RRP1: variants seen among roughly 807,000 people sequenced by gnomAD.
RRP1 encodes the protein ribosomal RNA processing 1.
In RRP1, 37 loss-of-function variants were observed where a neutral mutation model predicts 54.6. The ratio of observed to expected loss-of-function variants is 0.68; its 90% CI spans 0.52 to 0.89. The LOEUF is 0.89. Among genes scored for constraint, RRP1 ranks in the 40% least tolerant of loss-of-function variants. The pLI is 0.00. For missense variants in RRP1, 639 were observed against 612.5 expected (o/e 1.04, Z -0.46); for synonymous variants, 262 against 244.3 (o/e 1.07, Z -0.67).
rs372422903 is a variant in RRP1, at chr21:43,797,685, C to G, written c.607C>G (p.Arg203Gly). 6.2e-7 allele frequency: 1 copy of G among 1,613,806 alleles called. No homozygotes were observed. Among genetic ancestry groups the G allele is most frequent in the Admixed American group, 1.7e-5 (1 of 60,012 alleles). The change falls in exon 7 of 13, where the codon CGG becomes GGG. Residue 203 changes from arginine to glycine, a missense_variant. By Grantham distance (125) the Arg-to-Gly change is moderately radical. Coordinates refer to ENST00000497547, the MANE Select transcript of RRP1 (RefSeq NM_003683.6). Reference protein sequence around the residue: ...FIDPFCRIAARTKDSLVLNNI... With the variant: ...FIDPFCRIAAGTKDSLVLNNI... The stretch of plus-strand genomic sequence containing the variant: ...CGACCCCTTCTGCAGAATTGCTGCC[C>G]GGACCAAGGAGTAAGTGGTGGGTGG...
Position 43,795,225 on chromosome 21 carries a change from C to G in RRP1, c.397C>G (p.Leu133Val), listed in dbSNP as rs1262925976. The G allele has an allele frequency of 1.9e-6, 3 of 1,614,064 alleles. No homozygotes were observed. The highest frequency in any genetic ancestry group is 2.5e-6 in the Non-Finnish European group (3 of 1,180,000). ...GGTCCTGAACGAGTCCTTGAAGGTT[C>G]TGAAGATGCAAGGCTGGGAAGAAAG... ...RMVLNESLKV[L>V]KMQGWEERQI... The change falls in exon 5 of 13, where the codon CTG becomes GTG. Residue 133 changes from leucine (L) to valine (V), a missense_variant. Physicochemically the swap from Leu to Val is conservative, Grantham distance 32. Coordinates refer to ENST00000497547, the MANE Select transcript of RRP1 (RefSeq NM_003683.6).
intron 5 of RRP1, among the ~76,000 whole-genome samples, chr21:43,795,757 G>C (rs907651476): frequency 2.2e-4 from 33 of 152,232 alleles, no homozygotes; most frequent in African/African-American, 7.9e-4. Context: ...CTGTCCTGTT[G>C]CCCAGGCTTG....
rs901499797 is a variant in RRP1, at chr21:43,796,401, ATAT to A, written c.423-1015_423-1013del. Among the ~76,000 whole-genome samples the A allele has an allele frequency of 2.6e-4, 39 of 152,276 alleles. 1 individual carries two copies. The East Asian group carries it at 3.9e-3, about 15-fold the overall frequency. ...TTTACTTGTGTTAACTTTTTTTGGC[ATAT>A]TATTACAAGAGTACTTTTCTCCCTG... On this transcript the variant is annotated intron_variant, in intron 5 of 12. Coordinates refer to ENST00000497547, the MANE Select transcript of RRP1 (RefSeq NM_003683.6).
At chr21:43,800,806 C>T in intron 10 of RRP1, 56 bp from the exon 11 acceptor site, 5 of 1,610,050 alleles carry the variant, frequency 3.1e-6, no homozygotes, top group Non-Finnish European at 4.2e-6. Context: ...GCTGGAGCTT[C>T]CTCCTCCTGC....
chr21:43,792,299 C>T (rs2084968455), intron 2 of RRP1, among the ~76,000 whole-genome samples: 1 of 152,196 alleles, frequency 6.6e-6, no homozygotes, highest in Non-Finnish European at 1.5e-5. Flanking sequence ...CAGCCCTCTT[C>T]CTCCTGATGG....
chr21:43,796,673 C>T (rs970990330), intron 5 of RRP1, among the ~76,000 whole-genome samples: 3 of 152,186 alleles, frequency 2.0e-5, no homozygotes. Flanking sequence ...TTTTCCTGAG[C>T]CTTAGAGAGC....
Position 43,793,301 on chromosome 21 carries a change from G to C in RRP1, c.275-18G>C. On this transcript the variant is annotated intron_variant, in intron 3 of 12. Coordinates refer to ENST00000497547, the MANE Select transcript of RRP1 (RefSeq NM_003683.6). ...TCGTGCTCCTCAGTGGTTCTCTTCTGGCTTATTCCTTCTCCAGAGCACCTG... is the reference window on the plus strand; with the variant it reads ...TCGTGCTCCTCAGTGGTTCTCTTCTCGCTTATTCCTTCTCCAGAGCACCTG... 6.2e-7 allele frequency: 1 copy of C among 1,613,262 alleles called. No homozygotes were observed. Among genetic ancestry groups the C allele is most frequent in the Non-Finnish European group, 8.5e-7 (1 of 1,179,244 alleles).
At chr21:43,799,182 C>G (rs1305183561) in intron 8 of RRP1, among the ~76,000 whole-genome samples, 2 of 152,154 alleles carry the variant, frequency 1.3e-5, no homozygotes, top group Non-Finnish European at 2.9e-5. Flanking sequence ...AGCTTCTGGA[C>G]CAGGCCACCC....
intron 1 of RRP1, chr21:43,791,088 T>C (rs553238947): frequency 6.9e-6 from 4 of 581,114 alleles, no homozygotes; most frequent in Non-Finnish European, 1.3e-5. Context: ...AAATGGAGTA[T>C]GGTGCCTGAT....
chr21:43,800,308 G>A (rs1052398663), intron 9 of RRP1, among the ~76,000 whole-genome samples: 1 of 152,168 alleles, frequency 6.6e-6, no homozygotes, highest in African/African-American at 2.4e-5. Context: ...TGCGTGCCCC[G>A]CAGTGCGCCC....
At chr21:43,793,185 TG>T (rs1569013384) in intron 3 of RRP1, 133 bp from the exon 4 acceptor site, 1 of 754,790 alleles carries the variant, frequency 1.3e-6, no homozygotes, top group Non-Finnish European at 2.2e-6. Context: ...GATCCAGTTC[TG>T]GGGGTAGGGC....
At chr21:43,795,098 T>C (rs1216694847) in intron 4 of RRP1, 91 bp from the exon 5 acceptor site, 3 of 1,254,104 alleles carry the variant, frequency 2.4e-6, no homozygotes, top group East Asian at 2.3e-5. Context: ...GCCATGACTT[T>C]ATCCTGCAGC....
chr21:43,798,640 CTG>C (rs1479923441), intron 8 of RRP1, among the ~76,000 whole-genome samples: 7 of 152,076 alleles, frequency 4.6e-5, no homozygotes, highest in African/African-American at 1.7e-4. Context: ...CCTGACTGCT[CTG>C]TGTGCAGTGT....
intron 8 of RRP1, among the ~76,000 whole-genome samples, chr21:43,798,800 TC>T (rs2085051727): frequency 6.6e-6 from 1 of 152,114 alleles, no homozygotes; most frequent in African/African-American, 2.4e-5. Context: ...AAGTGTGGCA[TC>T]CTGGTGCTGT....
chr21:43,793,248 T>C, intron 3 of RRP1, 71 bp from the exon 4 acceptor site: 5 of 1,376,622 alleles, frequency 3.6e-6, no homozygotes, highest in South Asian at 3.5e-5. Flanking sequence ...GGTTCCTCCA[T>C]GTTCTCACCT....
rs1471912854 is a variant in RRP1, at chr21:43,793,255, A to G, written c.275-64A>G. On this transcript the variant is annotated intron_variant, in intron 3 of 12. Coordinates refer to ENST00000497547, the MANE Select transcript of RRP1 (RefSeq NM_003683.6). ...AAAGAACGGGTTCCTCCATGTTCTC[A>G]CCTCCCTCCCCAGAGTGGCTTCGTG... is the stretch of plus-strand genomic sequence containing the variant. The G allele has an allele frequency of 2.1e-6, 3 of 1,453,544 alleles. No individual in the cohort carries two copies. In the South Asian group the frequency reaches 3.4e-5, roughly 17 times the overall value. The allele number at this position is 1,453,544 out of a possible 1,614,324, so 90.0% of individuals were successfully genotyped here.
At chr21:43,792,779 TG>T in intron 3 of RRP1, 50 bp downstream of exon 3, 1 of 1,589,378 alleles carries the variant, frequency 6.3e-7, no homozygotes, top group South Asian at 1.1e-5. Context: ...TCAGAACCTC[TG>T]AGCATCAGAG....
chr21:43,800,842 T>A lies in RRP1; in HGVS notation c.990-20T>A. The A allele has an allele frequency of 6.2e-7, 1 of 1,613,384 alleles. No homozygotes were observed. Among genetic ancestry groups the A allele is most frequent in the Non-Finnish European group, 8.5e-7 (1 of 1,180,004 alleles). ...GGAAGCCGCAGCTGTGGTAAGTGGG[T>A]ATCTGTCTTACTCTTTCAGGCTGCA... On this transcript the variant is annotated intron_variant, in intron 10 of 12. Transcript: ENST00000497547.
chr21:43,790,844 C>T (rs1465032793), intron 1 of RRP1: 4 of 364,388 alleles, frequency 1.1e-5, no homozygotes, highest in Non-Finnish European at 2.2e-5. Flanking sequence ...CCTCAGCACT[C>T]AATTCCAAAG....
Sources: allele counts gnomAD v4.1 joint callset (sites outside exome capture counted in the v4.1 genomes callset), GRCh38; gene constraint gnomAD v4.1.1; transcripts MANE v1.5; gene names NCBI Gene and HGNC (gene_info 2026-07-23, HGNC 2026-07-21).